KCNB2: variants seen among roughly 807,000 people sequenced by gnomAD.
KCNB2 encodes potassium voltage-gated channel subfamily B member 2.
In KCNB2, 15 loss-of-function variants were observed where a neutral mutation model predicts 61.5. The observed-to-expected ratio is 0.24, with a 90% CI of 0.16 to 0.38. KCNB2 has a LOEUF of 0.38. KCNB2 is among the 10% of genes least tolerant of loss of function. The pLI is 1.00. For missense variants in KCNB2, 828 were observed against 1,125.2 expected (o/e 0.74, Z 3.78); for synonymous variants, 457 against 446.0 (o/e 1.02, Z -0.31).
intron 2 of KCNB2, among the ~76,000 whole-genome samples, chr8:72,738,491 A>C (rs1807888860): frequency 6.6e-6 from 1 of 152,262 alleles, no homozygotes; most frequent in East Asian, 1.9e-4. Context: ...TGCCAGCCCC[A>C]AGTTTGTTTC....
At chr8:72,786,093 A>G (rs1808842023) in intron 2 of KCNB2, among the ~76,000 whole-genome samples, 1 of 151,856 alleles carries the variant, frequency 6.6e-6, no homozygotes, top group Non-Finnish European at 1.5e-5. Flanking sequence ...TCGCATTTTC[A>G]CATTTAGTAT....
intron 2 of KCNB2, among the ~76,000 whole-genome samples, chr8:72,820,663 A>C (rs1442920813): frequency 6.6e-6 from 1 of 151,768 alleles, no homozygotes; most frequent in African/African-American, 2.4e-5. Context: ...TCTTATGATT[A>C]TTTCTACCTC....
At chr8:72,719,817 T>C (rs1420269415) in intron 2 of KCNB2, among the ~76,000 whole-genome samples, 2 of 151,914 alleles carry the variant, frequency 1.3e-5, no homozygotes, top group Non-Finnish European at 2.9e-5. Context: ...TTGATTGTAA[T>C]TGAAAAACAA....
chr8:72,694,039 C>T (rs747135450), intron 2 of KCNB2, among the ~76,000 whole-genome samples: 4 of 151,962 alleles, frequency 2.6e-5, no homozygotes, highest in Admixed American at 6.6e-5. Context: ...AATAGAAAAT[C>T]GATATCAAAT....
chr8:72,660,880 G>A (rs1369039392), intron 2 of KCNB2: 3 of 152,168 alleles, frequency 2.0e-5, no homozygotes, highest in Non-Finnish European at 4.4e-5. Flanking sequence ...TTCTCCTGGA[G>A]TTTTTGCATC....
chr8:72,837,242 G>A (rs1364326883), intron 2 of KCNB2, among the ~76,000 whole-genome samples: 1 of 152,148 alleles, frequency 6.6e-6, no homozygotes, highest in African/African-American at 2.4e-5. Context: ...TCTCAGAGCA[G>A]CCACATCCTT....
At chr8:72,786,184 C>T (rs1160389689) in intron 2 of KCNB2, among the ~76,000 whole-genome samples, 1 of 152,056 alleles carries the variant, frequency 6.6e-6, no homozygotes, top group South Asian at 2.1e-4. Context: ...AATAACTTTA[C>T]AGTATAATTT....
chr8:72,915,223 G>A (rs2981124), intron 2 of KCNB2, among the ~76,000 whole-genome samples: 89,216 of 151,484 alleles, frequency 0.59, 27,498 homozygotes, highest in Middle Eastern at 0.7. Flanking sequence ...CGCCGAGCAT[G>A]ACTGATCTTT....
At chr8:72,590,788 A>G (rs1385789247) in intron 2 of KCNB2, among the ~76,000 whole-genome samples, 18 of 152,200 alleles carry the variant, frequency 1.2e-4, no homozygotes, top group Admixed American at 1.2e-3. Context: ...TGTCACAAAC[A>G]AGCAAAAAAT....
At chr8:72,813,010 T>G (rs1809330328) in intron 2 of KCNB2, among the ~76,000 whole-genome samples, 1 of 152,178 alleles carries the variant, frequency 6.6e-6, no homozygotes, top group Admixed American at 6.5e-5. Context: ...CTTGATTGAT[T>G]GCCTGCTCTG....
At chr8:72,821,474 C>T (rs1479557500) in intron 2 of KCNB2, among the ~76,000 whole-genome samples, 6 of 152,040 alleles carry the variant, frequency 3.9e-5, no homozygotes, top group African/African-American at 9.6e-5. Context: ...TCTAAACCTC[C>T]GTTTCCACTA....
At chr8:72,682,799 G>C (rs573502583) in intron 2 of KCNB2, among the ~76,000 whole-genome samples, 1 of 151,994 alleles carries the variant, frequency 6.6e-6, no homozygotes, top group Non-Finnish European at 1.5e-5. Flanking sequence ...AGAGATGGGG[G>C]TCTCACTACG....
intron 2 of KCNB2, among the ~76,000 whole-genome samples, chr8:72,649,352 G>A (rs2449099): frequency 0.14 from 21,713 of 152,088 alleles, 1,775 homozygotes; most frequent in East Asian, 0.23. Context: ...AATTTGCAAA[G>A]GTGAGATTGG....
At chr8:72,705,624 G>A (rs1200834691) in intron 2 of KCNB2, among the ~76,000 whole-genome samples, 1 of 152,206 alleles carries the variant, frequency 6.6e-6, no homozygotes. Flanking sequence ...GTAGTGTAGT[G>A]GTAGGGTAGC....
intron 1 of KCNB2, among the ~76,000 whole-genome samples, chr8:72,552,584 CAT>C (rs982675843): frequency 1.3e-5 from 2 of 152,186 alleles, no homozygotes; most frequent in African/African-American, 4.8e-5. Context: ...AAATTTTAGA[CAT>C]ATTCATTTAC....
chr8:72,783,646 A>G (rs566133505), intron 2 of KCNB2, among the ~76,000 whole-genome samples: 1 of 152,268 alleles, frequency 6.6e-6, no homozygotes, highest in East Asian at 1.9e-4. Context: ...CACAGAATCC[A>G]TCACTATCAG....
At chr8:72,613,463 A>G (rs566754681) in intron 2 of KCNB2, among the ~76,000 whole-genome samples, 32 of 152,360 alleles carry the variant, frequency 2.1e-4, no homozygotes, top group Middle Eastern at 3.4e-3. Context: ...ACCTAGACAG[A>G]TATTTCTAAG....
At chr8:72,570,164 T>C (rs939229628) in intron 2 of KCNB2, among the ~76,000 whole-genome samples, 1 of 152,178 alleles carries the variant, frequency 6.6e-6, no homozygotes, top group Non-Finnish European at 1.5e-5. Flanking sequence ...CCTTTACATA[T>C]GTATCCAACA....
At chr8:72,650,663 T>C (rs2128986392) in intron 2 of KCNB2, among the ~76,000 whole-genome samples, 1 of 152,260 alleles carries the variant, frequency 6.6e-6, no homozygotes, top group South Asian at 2.1e-4. Flanking sequence ...CACCCACTGA[T>C]GAGAGAGTGT....
Sources: gnomAD v4.1 joint callset for allele counts (sites outside exome capture counted in the v4.1 genomes callset) on GRCh38, gnomAD v4.1.1 for gene constraint, MANE v1.5 for transcripts, NCBI Gene and HGNC (gene_info 2026-07-23, HGNC 2026-07-21) for gene names.